RELL2: variants seen among roughly 807,000 people sequenced by gnomAD.
RELL2 encodes the protein RELT-like protein 2.
RELL2 carries 18 observed loss-of-function variants against 27.5 expected under a neutral mutation model. The observed-to-expected ratio is 0.65, with a 90% CI of 0.45 to 0.97. RELL2 has a LOEUF of 0.97. Among genes scored for constraint, RELL2 ranks in the 50% least tolerant of loss-of-function variants. RELL2 has a pLI of 0.00. For missense variants in RELL2, 370 were observed against 397.5 expected, an observed-to-expected ratio of 0.93 and a Z score of 0.59; for synonymous variants, 156 against 147.5, an observed-to-expected ratio of 1.06 and a Z score of -0.42.
Position 141,639,948 on chromosome 5 carries a change from T to G in RELL2, c.532T>G (p.Tyr178Asp), listed in dbSNP as rs2099906645. The stretch of plus-strand genomic sequence containing the variant: ...CCGGGTGACACACATTGAGAAGCGC[T>G]ATGGACTGCACGAACACCGTGATGG... ...RFRVTHIEKR[Y>D]GLHEHRDGSP... The change falls in exon 5 of 7, where the codon TAT becomes GAT. Residue 178 changes from tyrosine (Y) to aspartate (D), a missense_variant. Physicochemically the swap from Tyr to Asp is radical, Grantham distance 160 (BLOSUM62 -3). Transcript: ENST00000297164. The surrounding 1 kb of genome is among the most constrained non-coding windows in gnomAD (Gnocchi z 4.4). 3 of 1,613,870 alleles carry G rather than the reference T, an allele frequency of 1.9e-6. No individual in the cohort carries two copies. Among genetic ancestry groups the G allele is most frequent in the South Asian group, 2.2e-5 (2 of 91,092 alleles).
In RELL2 at chr5:141,638,883, C is replaced by T. The variant is rs1357222832; in HGVS notation, c.250+23C>T. 4 of 1,612,506 alleles carry T rather than the reference C, an allele frequency of 2.5e-6. No homozygotes were observed. The African/African-American group carries it at 4.0e-5, about 16-fold the overall frequency. On this transcript the variant is annotated intron_variant, in intron 2 of 6. Transcript: ENST00000297164. ...AAGGTGGGTCTAGCATAGCCCCTTG[C>T]TCCCTCTTCTCCAACCTTCTCTTGC...
intron 1 of RELL2, 97 bp from the exon 2 acceptor site, chr5:141,638,698 G>T: frequency 9.4e-7 from 1 of 1,062,544 alleles, no homozygotes; most frequent in Admixed American, 1.7e-5. Context: ...GTAGGTAAAA[G>T]GGTATGTCCT....
Position 141,638,936 on chromosome 5 carries a change from C to G in RELL2, c.251-19C>G, listed in dbSNP as rs756471597. ...TGACCTCCACCTCCACTGACTCCCT[C>G]TTTTCCTTCTTCCCTCAGCCAATGC... On this transcript the variant is annotated intron_variant, in intron 2 of 6. Transcript: ENST00000297164. 3 of 1,613,998 alleles carry G rather than the reference C, an allele frequency of 1.9e-6. No homozygotes were observed. In the Admixed American group the frequency reaches 5.0e-5, roughly 27 times the overall value.
Position 141,640,102 on chromosome 5 carries a change from C to T in RELL2, c.686C>T (p.Pro229Leu). 2 of 1,613,788 alleles carry T rather than the reference C, an allele frequency of 1.2e-6. No homozygotes were observed. Among genetic ancestry groups the T allele is most frequent in the East Asian group, 2.2e-5 (1 of 44,852 alleles). ...MERLPPERPQ[P>L]QVLASPPVQN... ...AGGCTGCCCCCTGAGAGGCCACAGC[C>T]CCAGGTCCTAGCCAGCCCCCCAGTA... Residue 229 changes from proline (P) to leucine (L), a missense_variant, in exon 5 of 7, where the codon CCC (proline) becomes CTC (leucine). Physicochemically the swap from Pro to Leu is moderately conservative, Grantham distance 98 (BLOSUM62 -3). Transcript: ENST00000297164.
In RELL2 at chr5:141,637,802, T is replaced by G; in HGVS notation, c.-424T>G. On this transcript the variant is annotated 5_prime_UTR_variant, in exon 1 of 7. Coordinates refer to ENST00000297164, the MANE Select transcript of RELL2 (RefSeq NM_173828.5). Reference sequence around the variant, plus strand: ...CCAAAAAGGGAGAGGGGTGCGGGAGTACTGAGAGGAAGGGGCTGCAGAGGC... The same window carrying G: ...CCAAAAAGGGAGAGGGGTGCGGGAGGACTGAGAGGAAGGGGCTGCAGAGGC... 1.2e-5 allele frequency: 2 copies of G among 166,562 alleles called. No homozygotes were observed. The highest frequency in any genetic ancestry group is 2.6e-5 in the Non-Finnish European group (2 of 75,848). The allele number at this position is 166,562 out of a possible 1,614,324, so 10.3% of individuals were successfully genotyped here. A position where few individuals can be genotyped will look rare whatever the true frequency, so the allele number is the denominator to read the frequency against.
chr5:141,638,929 A>G, intron 2 of RELL2, 26 bp from the exon 3 acceptor site: 1 of 1,613,282 alleles, frequency 6.2e-7, no homozygotes. Context: ...ACCTCCACTG[A>G]CTCCCTCTTT....
Position 141,639,369 on chromosome 5 carries a change from C to A in RELL2, c.318-95C>A. 1 of 1,030,654 alleles carries A rather than the reference C, an allele frequency of 9.7e-7. No homozygotes were observed. Among genetic ancestry groups the A allele is most frequent in the African/African-American group, 1.6e-5 (1 of 62,014 alleles). 63.8% of individuals were successfully genotyped at this position (1,030,654 alleles called of 1,614,324 possible). Reference sequence around the variant, plus strand: ...ATGGGGCTTGGGGAAATTGGGGCTTCTGGGGTTTTAAGGAGCATGCTGAAA... The same window carrying A: ...ATGGGGCTTGGGGAAATTGGGGCTTATGGGGTTTTAAGGAGCATGCTGAAA... On this transcript the variant is annotated intron_variant, in intron 3 of 6. Transcript: ENST00000297164. This position sits in a 1 kb window ranked among gnomAD's most constrained non-coding sequence, Gnocchi z 4.4.
chr5:141,638,163 T>C lies in RELL2; in HGVS notation c.-63T>C, dbSNP rs1170164406. On this transcript the variant is annotated 5_prime_UTR_variant, in exon 1 of 7. Transcript: ENST00000297164. ...GGACGGCATTCCTACCCCTCCCCCA[T>C]TCCCAGCTGCAGCCCCCTAAACCCA... 1.8e-6 allele frequency: 2 copies of C among 1,110,496 alleles called. No homozygotes were observed. Among genetic ancestry groups the C allele is most frequent in the African/African-American group, 3.1e-5 (2 of 64,436 alleles). The allele number at this position is 1,110,496 out of a possible 1,614,324, so 68.8% of individuals were successfully genotyped here.
At position 141,640,759 on chromosome 5, in the gene RELL2, C is replaced by G; in HGVS notation, c.*90C>G. On this transcript the variant is annotated 3_prime_UTR_variant, in exon 7 of 7. Coordinates refer to ENST00000297164, the MANE Select transcript of RELL2 (RefSeq NM_173828.5). The stretch of plus-strand genomic sequence containing the variant: ...CCTCCCCTCCACTGGACAGCACTGC[C>G]CCCCAGCTGAGGGACCAGCTCTACT... 1 of 1,281,188 alleles carries G rather than the reference C, an allele frequency of 7.8e-7. No individual in the cohort carries two copies. Among genetic ancestry groups the G allele is most frequent in the South Asian group, 1.4e-5 (1 of 71,926 alleles). The allele number at this position is 1,281,188 out of a possible 1,614,324, so 79.4% of individuals were successfully genotyped here.
Position 141,639,620 on chromosome 5 carries a change from A to C in RELL2, c.474A>C (p.Thr158=). ...RSKEGKSRPR[T]GETTVFSVGR... ...AGGAAGGAAAAAGCCGCCCCCGGAC[A>C]GGGGAGACCACTGTGTTCTCTGTGG... The change falls in exon 4 of 7, where the codon ACA becomes ACC. Residue 158 remains threonine, a synonymous_variant. Transcript: ENST00000297164. The surrounding 1 kb of genome is among the most constrained non-coding windows in gnomAD (Gnocchi z 4.4). 2 of 1,612,176 alleles carry C rather than the reference A, an allele frequency of 1.2e-6. No individual in the cohort carries two copies. The highest frequency in any genetic ancestry group is 8.5e-7 in the Non-Finnish European group (1 of 1,179,552).
rs2099906280 is a variant in RELL2 at position 141,637,780 on chromosome 5, A to G, written c.-446A>G. 2 of 159,510 alleles carry G rather than the reference A, an allele frequency of 1.3e-5. No homozygotes were observed. Among genetic ancestry groups the G allele is most frequent in the Admixed American group, 1.2e-4 (2 of 16,580 alleles). 9.9% of individuals were successfully genotyped at this position (159,510 alleles called of 1,614,324 possible). Reference sequence around the variant, plus strand: ...CAGGTGGTCAGGGTGGGAGAAACCAAAAAGGGAGAGGGGTGCGGGAGTACT... The same window carrying G: ...CAGGTGGTCAGGGTGGGAGAAACCAGAAAGGGAGAGGGGTGCGGGAGTACT... On this transcript the variant is annotated 5_prime_UTR_variant, in exon 1 of 7. Coordinates refer to ENST00000297164, the MANE Select transcript of RELL2 (RefSeq NM_173828.5).
chr5:141,639,329 T>C lies in RELL2; in HGVS notation c.318-135T>C. The C allele has an allele frequency of 1.5e-6, 1 of 689,436 alleles. No individual in the cohort carries two copies. The highest frequency in any genetic ancestry group is 3.0e-5 in the Admixed American group (1 of 33,646). 42.7% of individuals were successfully genotyped at this position (689,436 alleles called of 1,614,324 possible). A position where few individuals can be genotyped will look rare whatever the true frequency, so the allele number is the denominator to read the frequency against. ...ACATCTTAATATTGAGTTTATTAGATAAAGACAAGAAAAAATGGGGCTTGG... is the reference window on the plus strand; with the variant it reads ...ACATCTTAATATTGAGTTTATTAGACAAAGACAAGAAAAAATGGGGCTTGG... On this transcript the variant is annotated intron_variant, in intron 3 of 6. Transcript: ENST00000297164. The surrounding 1 kb of genome is among the most constrained non-coding windows in gnomAD (Gnocchi z 4.4).
At position 141,640,004 on chromosome 5, in the gene RELL2, T is replaced by G. The variant is rs758102055; in HGVS notation, c.588T>G (p.Gly196=). 3 of 1,613,372 alleles carry G rather than the reference T, an allele frequency of 1.9e-6. No homozygotes were observed. Among genetic ancestry groups the G allele is most frequent in the Non-Finnish European group, 2.5e-6 (3 of 1,179,714 alleles). The change falls in exon 5 of 7, where the codon GGT becomes GGG. Residue 196 remains glycine, a synonymous_variant. Transcript: ENST00000297164. ...CCACAGACAGGAGCTGGGGCTCTGG[T>G]GGGGGACAGGACCCAGGGGGTGGTC... ...GSPTDRSWGS[G]GGQDPGGGQG...
chr5:141,640,559 C>T (rs767024402), intron 6 of RELL2, 112 bp from the exon 7 acceptor site: 7 of 1,568,826 alleles, frequency 4.5e-6, no homozygotes, highest in Non-Finnish European at 6.1e-6. Context: ...TTAGCCTTTG[C>T]TATAAATCCC....
At chr5:141,638,733 A>G (rs2099906482) in intron 1 of RELL2, 62 bp from the exon 2 acceptor site, 1 of 1,359,806 alleles carries the variant, frequency 7.4e-7, no homozygotes, top group Admixed American at 1.7e-5. Flanking sequence ...GGGAGCCACC[A>G]GGTAATATTC....
rs752104652 is a variant in RELL2, at chr5:141,638,777, A to G, written c.185-18A>G. On this transcript the variant is annotated intron_variant, in intron 1 of 6. Transcript: ENST00000297164. Reference sequence around the variant, plus strand: ...CTGACTCATTCCTGCTTCCTTGCCAATCTCTTTCATCCTTCAGCTGAGGAC... The same window carrying G: ...CTGACTCATTCCTGCTTCCTTGCCAGTCTCTTTCATCCTTCAGCTGAGGAC... 1 of 1,612,116 alleles carries G rather than the reference A, an allele frequency of 6.2e-7. No individual in the cohort carries two copies. Among genetic ancestry groups the G allele is most frequent in the South Asian group, 1.1e-5 (1 of 91,052 alleles).
At position 141,638,781 on chromosome 5, in the gene RELL2, CTT is replaced by C; in HGVS notation, c.185-12_185-11del. On this transcript the variant is annotated splice_polypyrimidine_tract_variant and intron_variant, in intron 1 of 6. Transcript: ENST00000297164. ...CTCATTCCTGCTTCCTTGCCAATCTCTTTCATCCTTCAGCTGAGGACGATGAC... is the reference window on the plus strand; with the variant it reads ...CTCATTCCTGCTTCCTTGCCAATCTCTCATCCTTCAGCTGAGGACGATGAC... 2 of 1,612,796 alleles carry C rather than the reference CTT, an allele frequency of 1.2e-6. No individual in the cohort carries two copies. Among genetic ancestry groups the C allele is most frequent in the East Asian group, 2.2e-5 (1 of 44,880 alleles).
rs563399305 is a variant in RELL2 at position 141,639,896 on chromosome 5, C to T, written c.504-24C>T. 10 of 1,612,884 alleles carry T rather than the reference C, an allele frequency of 6.2e-6. No homozygotes were observed. In the South Asian group the frequency reaches 8.8e-5, roughly 14 times the overall value. Reference sequence around the variant, plus strand: ...GCAGCCTCTGAGTTGTGGTCCTAAACCCCAGTGTTCCCTCCCCTCCCAGGT... The same window carrying T: ...GCAGCCTCTGAGTTGTGGTCCTAAATCCCAGTGTTCCCTCCCCTCCCAGGT... On this transcript the variant is annotated intron_variant, in intron 4 of 6. Coordinates refer to ENST00000297164, the MANE Select transcript of RELL2 (RefSeq NM_173828.5). The surrounding 1 kb of genome is among the most constrained non-coding windows in gnomAD (Gnocchi z 4.4).
chr5:141,637,031 A>T lies in RELL2; in HGVS notation c.-1195A>T. On this transcript the variant is annotated 5_prime_UTR_variant, in exon 1 of 7. Transcript: ENST00000297164. ...GGGTTGGGCAGGGAACTGGCAGCAT[A>T]GCTCCTAGGATGCGAGGGCCATTTG... 1 of 367,816 alleles carries T rather than the reference A, an allele frequency of 2.7e-6. No homozygotes were observed. Among genetic ancestry groups the T allele is most frequent in the South Asian group, 1.2e-4 (1 of 8,310 alleles). The allele number at this position is 367,816 out of a possible 1,614,324, so 22.8% of individuals were successfully genotyped here. A position where few individuals can be genotyped will look rare whatever the true frequency, so the allele number is the denominator to read the frequency against.
Sources: allele counts gnomAD v4.1 joint callset, GRCh38; gene constraint gnomAD v4.1.1; non-coding constraint Gnocchi (gnomAD v3.1); transcripts MANE v1.5; gene names NCBI Gene and HGNC (gene_info 2026-07-23, HGNC 2026-07-21).